GARRE1: variants seen among roughly 807,000 people sequenced by gnomAD.
The protein encoded by GARRE1 is granule associated Rac and RHOG effector 1, also known as granule associated Rac and RHOG effector protein 1.
In GARRE1, 49 loss-of-function variants were observed where a neutral mutation model predicts 103.2. The ratio of observed to expected loss-of-function variants is 0.47; its 90% confidence interval spans 0.38 to 0.60. GARRE1 has a LOEUF of 0.60. Among genes scored for constraint, GARRE1 ranks in the 20% least tolerant of loss-of-function variants. GARRE1 has a pLI of 0.00. For synonymous variants in GARRE1, 505 were observed against 532.8 expected (o/e 0.95, Z 0.72); for missense variants, 1,199 against 1,370.5 (o/e 0.87, Z 1.98).
At chr19:34,266,862 T>G (rs2145954809) in intron 1 of GARRE1, among the ~76,000 whole-genome samples, 1 of 152,296 alleles carries the variant, frequency 6.6e-6, no homozygotes, top group Non-Finnish European at 1.5e-5. Context: ...ATTTACCTAT[T>G]TATATATAAG....
At chr19:34,312,947 TAATA>T (rs1341082658) in intron 2 of GARRE1, among the ~76,000 whole-genome samples, 5 of 151,954 alleles carry the variant, frequency 3.3e-5, no homozygotes, top group Admixed American at 2.0e-4. Context: ...AAAATAAAAA[TAATA>T]AATAAATAAA....
intron 8 of GARRE1, among the ~76,000 whole-genome samples, chr19:34,336,037 C>T (rs1229515610): frequency 4.6e-5 from 7 of 152,010 alleles, no homozygotes; most frequent in African/African-American, 7.3e-5. Context: ...GTCCCCCAGA[C>T]TGCAGTGCAG....
intron 1 of GARRE1, among the ~76,000 whole-genome samples, chr19:34,279,214 A>G (rs1301268917): frequency 6.6e-6 from 1 of 152,198 alleles, no homozygotes; most frequent in East Asian, 1.9e-4. Context: ...GAAGCACCAT[A>G]CTGTTTTCCA....
chr19:34,255,393 C>T (rs2073665603), intron 1 of GARRE1, among the ~76,000 whole-genome samples: 1 of 152,210 alleles, frequency 6.6e-6, no homozygotes, highest in Admixed American at 6.5e-5. Flanking sequence ...ATACCTTGTT[C>T]TGGTCCCTCA....
chr19:34,328,066 C>G lies in GARRE1; in HGVS notation c.1019C>G (p.Pro340Arg). Residue 340 changes from proline (P) to arginine (R), a missense_variant, in exon 6 of 14, where the codon CCC becomes CGC. Physicochemically the swap from Pro to Arg is moderately radical, Grantham distance 103. Transcript: ENST00000299505. ...CCGCAGCCCATGCAGTGTGAGCTCC[C>G]CACCGTCCCTGTGCAGATAGGATCG... ...TPPQPMQCEL[P>R]TVPVQIGSHF... 2 of 1,614,168 alleles carry G rather than the reference C, an allele frequency of 1.2e-6. No homozygotes were observed.
intron 1 of GARRE1, among the ~76,000 whole-genome samples, chr19:34,257,884 CTTTTTTTTCTTTTTT>C (rs1197208104): frequency 8.2e-6 from 1 of 121,798 alleles, no homozygotes; most frequent in Non-Finnish European, 1.6e-5. Flanking sequence ...TTTTCTTTTT[CTTTTTTTTCTTTTTT>C]TTTTTTTTGA....
At chr19:34,329,392 T>C (rs780554903) in intron 6 of GARRE1, among the ~76,000 whole-genome samples, 9 of 152,254 alleles carry the variant, frequency 5.9e-5, no homozygotes, top group Non-Finnish European at 1.3e-4. Flanking sequence ...GATTGCTAAA[T>C]AATTTTGTGC....
At chr19:34,323,766 G>C (rs2074099996) in intron 3 of GARRE1, among the ~76,000 whole-genome samples, 1 of 152,128 alleles carries the variant, frequency 6.6e-6, no homozygotes, top group Non-Finnish European at 1.5e-5. Context: ...CCATCTTCTA[G>C]ACAACTCATG....
chr19:34,294,563 T>G (rs1029640392), intron 1 of GARRE1, among the ~76,000 whole-genome samples: 3 of 152,212 alleles, frequency 2.0e-5, no homozygotes, highest in African/African-American at 4.8e-5. Flanking sequence ...CATACTTAAA[T>G]TGACTTAAAC....
intron 8 of GARRE1, among the ~76,000 whole-genome samples, chr19:34,334,186 A>C (rs1374635396): frequency 2.6e-5 from 4 of 152,218 alleles, no homozygotes; most frequent in Non-Finnish European, 5.9e-5. Context: ...TTCCAACTAC[A>C]ATCCTGATGA....
intron 1 of GARRE1, among the ~76,000 whole-genome samples, chr19:34,293,631 G>A (rs1026138588): frequency 1.3e-4 from 20 of 149,416 alleles, no homozygotes; most frequent in Admixed American, 4.0e-4. Flanking sequence ...CTGGGCTCAA[G>A]TGATCTGCCT....
intron 1 of GARRE1, among the ~76,000 whole-genome samples, chr19:34,280,686 G>C (rs949060440): frequency 6.6e-6 from 1 of 152,174 alleles, no homozygotes; most frequent in South Asian, 2.1e-4. Flanking sequence ...TCTTTTTGAT[G>C]CTTAAGTTGT....
Position 34,351,543 on chromosome 19 carries a change from G to T in GARRE1, c.2855G>T (p.Ser952Ile). 2.5e-6 allele frequency: 4 copies of T among 1,614,018 alleles called. No homozygotes were observed. Among genetic ancestry groups the T allele is most frequent in the Non-Finnish European group, 3.4e-6 (4 of 1,179,938 alleles). The change falls in exon 13 of 14, where the codon AGC (serine) becomes ATC (isoleucine). Residue 952 changes from serine (S) to isoleucine (I), a missense_variant. Coordinates refer to ENST00000299505, the MANE Select transcript of GARRE1 (RefSeq NM_014686.5). ...RKHSSGEQDTSTLPSPPLLTT... is the reference protein window; with the variant it reads ...RKHSSGEQDTITLPSPPLLTT... Reference sequence around the variant, plus strand: ...CACAGCAGTGGAGAGCAAGACACCAGCACGCTGCCCTCACCACCTCTCCTC... The same window carrying T: ...CACAGCAGTGGAGAGCAAGACACCATCACGCTGCCCTCACCACCTCTCCTC...
chr19:34,309,077 T>TAA (rs35384665), intron 2 of GARRE1, among the ~76,000 whole-genome samples: 45 of 147,326 alleles, frequency 3.1e-4, no homozygotes, highest in Non-Finnish European at 4.0e-4. Context: ...TCTCCCTCTT[T>TAA]AAAAAAAAAA....
At chr19:34,270,476 G>C (rs1158498918) in intron 1 of GARRE1, among the ~76,000 whole-genome samples, 4 of 152,176 alleles carry the variant, frequency 2.6e-5, no homozygotes, top group African/African-American at 9.7e-5. Context: ...TTAAGTTGAA[G>C]GGACAGGCCC....
In GARRE1 at chr19:34,352,797, G is replaced by T. The variant is rs763169070; in HGVS notation, c.3055G>T (p.Val1019Leu). 18 of 1,613,948 alleles carry T rather than the reference G, an allele frequency of 1.1e-5. No homozygotes were observed. The highest frequency in any genetic ancestry group is 5.0e-5 in the Admixed American group (3 of 59,992). The change falls in exon 14 of 14, where the codon GTG becomes TTG. Residue 1019 changes from valine (V) to leucine (L), a missense_variant. By Grantham distance (32) the Val-to-Leu change is conservative. Coordinates refer to ENST00000299505, the MANE Select transcript of GARRE1 (RefSeq NM_014686.5). ...NDTMQMLQSPVWAATNDCSAA... is the reference protein window; with the variant it reads ...NDTMQMLQSPLWAATNDCSAA... The stretch of plus-strand genomic sequence containing the variant: ...CACCATGCAGATGCTGCAGTCCCCA[G>T]TGTGGGCCGCAACCAACGACTGCAG...
chr19:34,255,349 C>T (rs2073665287), intron 1 of GARRE1, among the ~76,000 whole-genome samples: 1 of 152,218 alleles, frequency 6.6e-6, no homozygotes, highest in African/African-American at 2.4e-5. Flanking sequence ...AGAAATTTTC[C>T]AGAGACTCAG....
intron 10 of GARRE1, among the ~76,000 whole-genome samples, chr19:34,346,875 C>T (rs917354183): frequency 1.3e-5 from 2 of 152,140 alleles, no homozygotes; most frequent in Admixed American, 1.3e-4. Context: ...GCCTTGGCCT[C>T]CCAAAGTGCT....
chr19:34,354,151 ATCT>A lies in GARRE1; in HGVS notation c.*1198_*1200del, dbSNP rs1367303675. 6.6e-6 allele frequency: 1 copy of A among 152,546 alleles called. No homozygotes were observed. Among genetic ancestry groups the A allele is most frequent in the African/African-American group, 2.4e-5 (1 of 41,456 alleles). 9.4% of individuals were successfully genotyped at this position (152,546 alleles called of 1,614,324 possible). A position where few individuals can be genotyped will look rare whatever the true frequency, so the allele number is the denominator to read the frequency against. ...AACTTATTTAAATTTTTCATATTTC[ATCT>A]TTGAAAAAGTCTGAGAAAAATCCAT... On this transcript the variant is annotated 3_prime_UTR_variant, in exon 14 of 14. Transcript: ENST00000299505.
Sources: allele counts gnomAD v4.1 joint callset (sites outside exome capture counted in the v4.1 genomes callset), GRCh38; gene constraint gnomAD v4.1.1; transcripts MANE v1.5; gene names NCBI Gene and HGNC (gene_info 2026-07-23, HGNC 2026-07-21).